Variants in ZNF512 observed in about 807,000 individuals in gnomAD.
ZNF512 encodes the protein zinc finger protein 512.
A neutral mutation model predicts 77.5 loss-of-function variants in ZNF512; 25 were observed. The observed-to-expected ratio is 0.32, with a 90% CI of 0.23 to 0.45. ZNF512 has a LOEUF of 0.45. Among genes scored for constraint, ZNF512 ranks in the 20% least tolerant of loss-of-function variants. ZNF512 has a pLI of 1.00. For missense variants in ZNF512, 483 were observed against 692.6 expected, an observed-to-expected ratio of 0.70 and a Z score of 3.40; for synonymous variants, 246 against 239.9, an observed-to-expected ratio of 1.03 and a Z score of -0.24.
intron 10 of ZNF512, among the ~76,000 whole-genome samples, chr2:27,610,032 C>T (rs889298050): frequency 2.0e-5 from 3 of 151,420 alleles, no homozygotes; most frequent in South Asian, 2.1e-4. Context: ...CAGAGCAAGA[C>T]TTCATCTCAA....
At position 27,585,890 on chromosome 2, in the gene ZNF512, G is replaced by GT. The variant is rs201863245; in HGVS notation, c.89+2182dup. On this transcript the variant is annotated intron_variant, in intron 2 of 13. Transcript: ENST00000355467. ...GAAAGGGAAGTTTGAGCTTAATCTG[G>GT]TTTTTTTTACAAATAATCAAATGTC... is the stretch of plus-strand genomic sequence containing the variant. Among the ~76,000 whole-genome samples, 93 of 151,990 alleles carry GT rather than the reference G, an allele frequency of 6.1e-4. No homozygotes were observed. In the Middle Eastern group the frequency reaches 0.01, roughly 17 times the overall value.
chr2:27,610,745 T>A (rs1489865488), intron 10 of ZNF512, among the ~76,000 whole-genome samples: 4 of 150,652 alleles, frequency 2.7e-5, no homozygotes, highest in African/African-American at 4.9e-5. Flanking sequence ...CATGCCTGGC[T>A]AATTTTTTGT....
intron 2 of ZNF512, among the ~76,000 whole-genome samples, chr2:27,586,580 C>A (rs1396865161): frequency 6.6e-6 from 1 of 152,102 alleles, no homozygotes; most frequent in African/African-American, 2.4e-5. Context: ...GCCTTAGAGG[C>A]CTGCCAGTCC....
rs77517481 is a variant in ZNF512, at chr2:27,589,953, A to G, written c.89+6237A>G. 7.2e-5 allele frequency among the ~76,000 whole-genome samples: 11 copies of G among 152,324 alleles called. 1 individual carries two copies. The East Asian group carries it at 1.9e-3, about 27-fold the overall frequency. ...GTGTAATTCTCATCCTTTTAATAAA[A>G]GTTAAAGTTGATGGCCCAGCGTAAG... On this transcript the variant is annotated intron_variant, in intron 2 of 13. Transcript: ENST00000355467.
At chr2:27,620,335 G>C (rs956366789) in intron 13 of ZNF512, among the ~76,000 whole-genome samples, 9 of 152,138 alleles carry the variant, frequency 5.9e-5, no homozygotes, top group South Asian at 2.1e-4. Flanking sequence ...ATTGCATGGT[G>C]CAAGACTAAA....
chr2:27,606,609 C>T (rs1672374218), intron 9 of ZNF512, among the ~76,000 whole-genome samples: 1 of 152,178 alleles, frequency 6.6e-6, no homozygotes, highest in Admixed American at 6.5e-5. Flanking sequence ...TATCCGCCTG[C>T]CTCAGCCTCC....
At chr2:27,603,069 G>A (rs1558470987) in intron 8 of ZNF512, 71 bp from the exon 9 acceptor site, 3 of 1,562,322 alleles carry the variant, frequency 1.9e-6, no homozygotes, top group East Asian at 2.2e-5. Flanking sequence ...AATGCTTTAT[G>A]GCTGTTTAGA....
chr2:27,597,601 T>G (rs969985360), intron 2 of ZNF512, among the ~76,000 whole-genome samples: 13 of 152,140 alleles, frequency 8.5e-5, no homozygotes, highest in African/African-American at 1.2e-4. Context: ...GCATCAGGTT[T>G]TAGGGAGAAT....
In ZNF512 at chr2:27,621,429, C is replaced by G; in HGVS notation, c.1672C>G (p.Pro558Ala). The change falls in exon 14 of 14, where the codon CCA becomes GCA. Residue 558 changes from proline to alanine, a missense_variant. By Grantham distance (27) the Pro-to-Ala change is conservative (BLOSUM62 -1). Transcript: ENST00000355467. ...VPAQFQKVKPPKTNHKRGRK is the reference protein window; with the variant it reads ...VPAQFQKVKPAKTNHKRGRK ...AGCACAGTTCCAGAAAGTAAAGCCC[C>G]CAAAGACTAATCATAAACGAGGAAG... The G allele has an allele frequency of 6.2e-7, 1 of 1,612,774 alleles. No homozygotes were observed. Among genetic ancestry groups the G allele is most frequent in the East Asian group, 2.2e-5 (1 of 44,878 alleles).
intron 2 of ZNF512, among the ~76,000 whole-genome samples, chr2:27,586,601 A>T (rs1325898465): frequency 6.6e-6 from 1 of 152,200 alleles, no homozygotes; most frequent in Non-Finnish European, 1.5e-5. Flanking sequence ...ATTAATTTTT[A>T]AAAATACCTT....
In ZNF512 at chr2:27,603,204, G is replaced by A; in HGVS notation, c.833G>A (p.Gly278Glu). Reference sequence around the variant, plus strand: ...TACCATGTCAGAAAATGTGGCAAAGGGGCTGCAGAGCTGGAAAAGATGACC... The same window carrying A: ...TACCATGTCAGAAAATGTGGCAAAGAGGCTGCAGAGCTGGAAAAGATGACC... Reference protein sequence around the residue: ...YLYHVRKCGKGAAELEKMTLK... With the variant: ...YLYHVRKCGKEAAELEKMTLK... The change falls in exon 9 of 14, where the codon GGG (glycine) becomes GAG (glutamate). Residue 278 changes from glycine to glutamate, a missense_variant. Physicochemically the swap from Gly to Glu is moderately conservative, Grantham distance 98. Around this residue, in one of 2 missense-constraint regions of ZNF512, gnomAD observed 324 missense variants for 525.0 expected, o/e 0.62. Transcript: ENST00000355467. 1 of 1,614,176 alleles carries A rather than the reference G, an allele frequency of 6.2e-7. No individual in the cohort carries two copies. Among genetic ancestry groups the A allele is most frequent in the Middle Eastern group, 1.7e-4 (1 of 6,060 alleles).
Position 27,621,988 on chromosome 2 carries a change from G to GT in ZNF512, c.*530dup. The GT allele has an allele frequency of 6.4e-6, 1 of 156,496 alleles. No individual in the cohort carries two copies. The highest frequency in any genetic ancestry group is 1.9e-4 in the East Asian group (1 of 5,382). 9.7% of individuals were successfully genotyped at this position (156,496 alleles called of 1,614,324 possible). A position where few individuals can be genotyped will look rare whatever the true frequency, so the allele number is the denominator to read the frequency against. On this transcript the variant is annotated 3_prime_UTR_variant, in exon 14 of 14. Transcript: ENST00000355467. ...TTGGGAAAAAAACTTTATGGAGGCTGTTTGTCCTCTCAATATGGTTTTAAG... is the reference window on the plus strand; with the variant it reads ...TTGGGAAAAAAACTTTATGGAGGCTGTTTTGTCCTCTCAATATGGTTTTAAG...
chr2:27,604,507 G>A (rs1231345064), intron 9 of ZNF512, among the ~76,000 whole-genome samples: 3 of 152,226 alleles, frequency 2.0e-5, no homozygotes, highest in East Asian at 3.9e-4. Flanking sequence ...TAGGCGGGGT[G>A]CCTTAGCTCA....
At chr2:27,594,013 A>G (rs2148010157) in intron 2 of ZNF512, among the ~76,000 whole-genome samples, 1 of 152,316 alleles carries the variant, frequency 6.6e-6, no homozygotes, top group Middle Eastern at 3.4e-3. Flanking sequence ...AACCGCCATC[A>G]TCATCATGGC....
intron 10 of ZNF512, among the ~76,000 whole-genome samples, chr2:27,612,511 G>T (rs1672711112): frequency 6.6e-6 from 1 of 151,800 alleles, no homozygotes; most frequent in Admixed American, 6.6e-5. Flanking sequence ...TTATTTTATG[G>T]CTGTCTATCT....
At chr2:27,618,121 C>T (rs534850888) in intron 13 of ZNF512, among the ~76,000 whole-genome samples, 220 of 152,014 alleles carry the variant, frequency 1.4e-3, no homozygotes, top group Admixed American at 3.9e-3. Context: ...GGTTTTGCCA[C>T]GTTGGCCAGG....
chr2:27,600,265 G>A (rs1672056038), intron 5 of ZNF512, among the ~76,000 whole-genome samples: 1 of 152,152 alleles, frequency 6.6e-6, no homozygotes, highest in Non-Finnish European at 1.5e-5. Context: ...TCTTGCCTCA[G>A]TTTCCCTGTC....
chr2:27,621,035 C>T (rs1269531448), intron 13 of ZNF512, 118 bp from the exon 14 acceptor site: 2 of 1,114,374 alleles, frequency 1.8e-6, no homozygotes, highest in South Asian at 1.6e-5. Context: ...GGTTCCATAT[C>T]TGTTTCCTTC....
intron 7 of ZNF512, among the ~76,000 whole-genome samples, 173 bp downstream of exon 7, chr2:27,601,615 A>G (rs1672117033): frequency 6.6e-6 from 1 of 151,220 alleles, no homozygotes; most frequent in African/African-American, 2.4e-5. Context: ...TTAGGACTAC[A>G]GGCGTGCGCC....
Sources: gnomAD v4.1 joint callset for allele counts (sites outside exome capture counted in the v4.1 genomes callset) on GRCh38, gnomAD v4.1.1 for gene constraint, gnomAD v4.1.1 regional missense constraint, MANE v1.5 for transcripts, NCBI Gene and HGNC (gene_info 2026-07-23, HGNC 2026-07-21) for gene names.